Variants in DOCK7 observed in about 807,000 individuals in gnomAD.
DOCK7 encodes the protein dedicator of cytokinesis 7.
A neutral mutation model predicts 271.0 loss-of-function variants in DOCK7; 138 were observed. That is an observed-to-expected ratio of 0.51 (90% CI 0.44 to 0.59). DOCK7 has a LOEUF of 0.59. Among genes scored for constraint, DOCK7 ranks in the 20% least tolerant of loss-of-function variants. DOCK7 has a pLI of 0.00. For synonymous variants in DOCK7, 823 were observed against 876.1 expected, an observed-to-expected ratio of 0.94 and a Z score of 1.07; for missense variants, 2,066 against 2,592.4, an observed-to-expected ratio of 0.80 and a Z score of 4.41.
chr1:62,588,423 T>C (rs1647893131), intron 14 of DOCK7, among the ~76,000 whole-genome samples: 1 of 152,178 alleles, frequency 6.6e-6, no homozygotes, highest in African/African-American at 2.4e-5. Flanking sequence ...GGGGAAGTCT[T>C]TTCATTTATA....
intron 24 of DOCK7, 104 bp from the exon 25 acceptor site, chr1:62,542,807 A>G: frequency 9.5e-7 from 1 of 1,051,916 alleles, no homozygotes; most frequent in East Asian, 2.6e-5. Context: ...GAATAAGCAA[A>G]ATAAGGCACG....
At chr1:62,558,478 G>A (rs957246579) in intron 20 of DOCK7, among the ~76,000 whole-genome samples, 10 of 152,072 alleles carry the variant, frequency 6.6e-5, no homozygotes, top group African/African-American at 2.4e-4. Context: ...CTTGAAAAAC[G>A]ATGGGAATGA....
At chr1:62,487,711 C>T (rs190795285) in intron 42 of DOCK7, 29 of 271,726 alleles carry the variant, frequency 1.1e-4, no homozygotes, top group African/African-American at 6.3e-4. Flanking sequence ...AGGTGAGCTG[C>T]ACTTCACCAA....
intron 1 of DOCK7, among the ~76,000 whole-genome samples, chr1:62,671,739 A>G (rs191001179): frequency 6.6e-6 from 1 of 152,304 alleles, no homozygotes; most frequent in East Asian, 1.9e-4. Flanking sequence ...GTAATCTGGT[A>G]AAGTAAAAAA....
chr1:62,553,344 ATATATATATATTTTTTTTTTTTTTTTT>A (rs1243883959), intron 21 of DOCK7, among the ~76,000 whole-genome samples: 427 of 31,310 alleles, frequency 0.014, 19 homozygotes, highest in African/African-American at 0.023. Context: ...ATATATATAT[ATATATATATATTTTTTTTTTTTTTTTT>A]TTTTTTTTTT....
intron 18 of DOCK7, among the ~76,000 whole-genome samples, chr1:62,569,565 T>C (rs1191183169): frequency 6.6e-6 from 1 of 152,136 alleles, no homozygotes; most frequent in Non-Finnish European, 1.5e-5. Flanking sequence ...CCCAATAAAC[T>C]AGGTATTGAA....
chr1:62,485,764 A>G (rs1289444175), intron 43 of DOCK7: 5 of 905,540 alleles, frequency 5.5e-6, no homozygotes, highest in Non-Finnish European at 6.6e-6. Context: ...ACAAATAAGC[A>G]GCAAATGGTA....
intron 19 of DOCK7, among the ~76,000 whole-genome samples, chr1:62,559,775 G>T (rs1646263278): frequency 1.3e-5 from 2 of 152,142 alleles, no homozygotes; most frequent in African/African-American, 4.8e-5. Context: ...TGAAAGTCCT[G>T]TTTACAAGTT....
intron 14 of DOCK7, among the ~76,000 whole-genome samples, chr1:62,610,011 T>C (rs544374267): frequency 2.2e-4 from 33 of 152,180 alleles, no homozygotes; most frequent in South Asian, 8.3e-4. Flanking sequence ...CCACCATGCC[T>C]GGCTAATTTT....
At chr1:62,585,311 CAGA>C (rs1477569676) in intron 15 of DOCK7, among the ~76,000 whole-genome samples, 1 of 151,984 alleles carries the variant, frequency 6.6e-6, no homozygotes, top group Non-Finnish European at 1.5e-5. Context: ...TGTGGAAAAT[CAGA>C]AGAACTTCAT....
At chr1:62,560,793 T>C (rs1364597153) in intron 19 of DOCK7, among the ~76,000 whole-genome samples, 1 of 152,204 alleles carries the variant, frequency 6.6e-6, no homozygotes, top group African/African-American at 2.4e-5. Flanking sequence ...CAGATAACTC[T>C]TCCCTCTGTA....
chr1:62,492,816 G>A lies in DOCK7; in HGVS notation c.5249C>T (p.Ala1750Val), dbSNP rs547488949. Reference sequence around the variant, plus strand: ...TGGAGATACCACATCATCTGAGACCGCAGATTCTTCTAAAACATTAGATGA... The same window carrying A: ...TGGAGATACCACATCATCTGAGACCACAGATTCTTCTAAAACATTAGATGA... ...NISSNVLEESAVSDDVVSPDE... is the reference protein window; with the variant it reads ...NISSNVLEESVVSDDVVSPDE... Residue 1750 changes from alanine (A) to valine (V), a missense_variant, in exon 41 of 50, where the codon GCG (alanine) becomes GTG (valine). By Grantham distance (64) the Ala-to-Val change is moderately conservative (BLOSUM62 0). This residue lies in a region of DOCK7 where 652 missense variants were observed against 922.1 expected (regional missense o/e 0.71). Coordinates refer to ENST00000635253, the MANE Select transcript of DOCK7 (RefSeq NM_001367561.1). The A allele has an allele frequency of 6.2e-6, 10 of 1,613,082 alleles. No individual in the cohort carries two copies. The highest frequency in any genetic ancestry group is 4.4e-5 in the South Asian group (4 of 90,924).
rs188174159 is a variant in DOCK7 at position 62,589,831 on chromosome 1, G to C, written c.1683-3207C>G. Among the ~76,000 whole-genome samples, 467 of 148,138 alleles carry C rather than the reference G, an allele frequency of 3.2e-3. 15 individuals are homozygous for C. In the East Asian group the frequency reaches 0.056, roughly 18 times the overall value. ...CGGTAGGCGGAGCTTGCAGTGAGCC[G>C]AGATCGCGCCACTGCACTCCAGCCT... On this transcript the variant is annotated intron_variant, in intron 14 of 49. Transcript: ENST00000635253.
chr1:62,494,578 C>T (rs1646564363), intron 39 of DOCK7, 111 bp from the exon 40 acceptor site: 1 of 924,310 alleles, frequency 1.1e-6, no homozygotes. Flanking sequence ...TGTGCACAAC[C>T]TACTTAGTTT....
At chr1:62,542,389 A>G (rs953885623) in intron 25 of DOCK7, among the ~76,000 whole-genome samples, 2 of 152,158 alleles carry the variant, frequency 1.3e-5, no homozygotes, top group African/African-American at 4.8e-5. Flanking sequence ...CCCTGAGAAA[A>G]TAAGAGTTAA....
chr1:62,516,243 T>G (rs531301197), intron 31 of DOCK7, among the ~76,000 whole-genome samples: 1 of 152,334 alleles, frequency 6.6e-6, no homozygotes, highest in East Asian at 1.9e-4. Flanking sequence ...AATGAGAATT[T>G]GTATTCATTC....
chr1:62,648,890 A>G (rs1168404528), intron 4 of DOCK7, among the ~76,000 whole-genome samples: 1 of 152,030 alleles, frequency 6.6e-6, no homozygotes, highest in Non-Finnish European at 1.5e-5. Context: ...AATAGAAAAC[A>G]TACACTGAAT....
chr1:62,688,104 G>A, intron 1 of DOCK7, 123 bp downstream of exon 1: 1 of 1,146,564 alleles, frequency 8.7e-7, no homozygotes, highest in African/African-American at 1.6e-5. Flanking sequence ...CCCGCCGCGA[G>A]CCAGGCCGCG....
At position 62,559,374 on chromosome 1, in the gene DOCK7, T is replaced by C. The variant is rs112294278; in HGVS notation, c.2200-154A>G. Reference sequence around the variant, plus strand: ...CATTGTTTCCAATTAAACAAATCTATTTTCATTTATCATTATAAAATGATC... The same window carrying C: ...CATTGTTTCCAATTAAACAAATCTACTTTCATTTATCATTATAAAATGATC... On this transcript the variant is annotated intron_variant, in intron 19 of 49. Transcript: ENST00000635253. Among the ~76,000 whole-genome samples, 7 of 152,288 alleles carry C rather than the reference T, an allele frequency of 4.6e-5. No individual in the cohort carries two copies. In the South Asian group the frequency reaches 1.4e-3, roughly 32 times the overall value.
Sources: allele counts gnomAD v4.1 joint callset (sites outside exome capture counted in the v4.1 genomes callset), GRCh38; gene constraint gnomAD v4.1.1; regional missense constraint gnomAD v4.1.1; transcripts MANE v1.5; gene names NCBI Gene and HGNC (gene_info 2026-07-23, HGNC 2026-07-21).